Variants in ADAMTSL1 observed in about 807,000 individuals in gnomAD.
ADAMTSL1 encodes the protein ADAMTS-like protein 1.
ADAMTSL1 carries 126 observed loss-of-function variants against 201.8 expected under a neutral mutation model. The observed-to-expected ratio is 0.62, with a 90% CI of 0.54 to 0.72. ADAMTSL1 has a LOEUF of 0.72. ADAMTSL1 is among the 30% of genes least tolerant of loss of function. The pLI is 0.00. For synonymous variants in ADAMTSL1, 1,121 were observed against 903.4 expected, an observed-to-expected ratio of 1.24 and a Z score of -4.32; for missense variants, 2,679 against 2,277.8, an observed-to-expected ratio of 1.18 and a Z score of -3.59.
chr9:18,456,149 A>G (rs2131689788), intron 2 of ADAMTSL1, among the ~76,000 whole-genome samples: 1 of 152,266 alleles, frequency 6.6e-6, no homozygotes, highest in Middle Eastern at 3.4e-3. Flanking sequence ...AGACCCCATT[A>G]TTCAATTATT....
At chr9:18,433,963 G>T (rs1161650083) in intron 2 of ADAMTSL1, among the ~76,000 whole-genome samples, 3 of 152,170 alleles carry the variant, frequency 2.0e-5, no homozygotes, top group African/African-American at 7.2e-5. Flanking sequence ...AATCCAAAGA[G>T]CTGTTAGAAA....
intron 20 of ADAMTSL1, among the ~76,000 whole-genome samples, chr9:18,805,677 G>A (rs1389714528): frequency 6.6e-6 from 1 of 152,094 alleles, no homozygotes; most frequent in Non-Finnish European, 1.5e-5. Flanking sequence ...CCTTTCTCCT[G>A]CCCCTGCCCC....
chr9:18,381,429 A>G (rs963726042), intron 2 of ADAMTSL1, among the ~76,000 whole-genome samples: 2 of 152,196 alleles, frequency 1.3e-5, no homozygotes, highest in African/African-American at 4.8e-5. Flanking sequence ...TATTTTATAA[A>G]TGATAAAGCT....
intron 2 of ADAMTSL1, among the ~76,000 whole-genome samples, chr9:18,265,961 T>TCAACAGG (rs1587427609): frequency 6.6e-6 from 1 of 152,210 alleles, no homozygotes; most frequent in East Asian, 1.9e-4. Context: ...TACTATTTTT[T>TCAACAGG]GAGTGATATT....
intron 1 of ADAMTSL1, among the ~76,000 whole-genome samples, chr9:18,015,251 C>T (rs1427755206): frequency 6.6e-6 from 1 of 152,030 alleles, no homozygotes; most frequent in Non-Finnish European, 1.5e-5. Context: ...CTCTCTCAAT[C>T]TCTGTCTCTG....
intron 1 of ADAMTSL1, among the ~76,000 whole-genome samples, chr9:17,932,110 C>A (rs754888175): frequency 6.6e-6 from 1 of 152,252 alleles, no homozygotes; most frequent in East Asian, 1.9e-4. Context: ...GGTCTTCCCC[C>A]CAAGTAGAGG....
chr9:18,084,929 G>C (rs1009848736), intron 1 of ADAMTSL1, among the ~76,000 whole-genome samples: 3 of 152,184 alleles, frequency 2.0e-5, no homozygotes, highest in African/African-American at 7.2e-5. Flanking sequence ...AGGAAGAAAG[G>C]GAGAAGAGGC....
At chr9:17,964,382 A>G (rs938777613) in intron 1 of ADAMTSL1, among the ~76,000 whole-genome samples, 3 of 152,192 alleles carry the variant, frequency 2.0e-5, no homozygotes, top group Admixed American at 2.0e-4. Context: ...GATTCTATTT[A>G]TGTAACATTC....
intron 9 of ADAMTSL1, among the ~76,000 whole-genome samples, chr9:18,672,587 T>A (rs1587857340): frequency 6.6e-6 from 1 of 152,330 alleles, no homozygotes; most frequent in Admixed American, 6.5e-5. Context: ...TGCATAGATA[T>A]GTACACCATC....
intron 15 of ADAMTSL1, among the ~76,000 whole-genome samples, chr9:18,722,749 G>A (rs1833468716): frequency 6.6e-6 from 1 of 152,136 alleles, no homozygotes; most frequent in Non-Finnish European, 1.5e-5. Context: ...GAAGTTAAGA[G>A]GGCAACTCAT....
intron 2 of ADAMTSL1, among the ~76,000 whole-genome samples, chr9:18,513,438 A>G (rs1419888512): frequency 6.6e-6 from 1 of 152,200 alleles, no homozygotes; most frequent in Admixed American, 6.5e-5. Flanking sequence ...ACTCAGGATA[A>G]TGGCCTCAGA....
chr9:18,824,204 A>C (rs1383667188), intron 21 of ADAMTSL1, among the ~76,000 whole-genome samples: 1 of 151,950 alleles, frequency 6.6e-6, no homozygotes, highest in Non-Finnish European at 1.5e-5. Flanking sequence ...ATGGGAAAAA[A>C]ACTAAGCTCA....
At chr9:18,016,280 T>G (rs1820258456) in intron 1 of ADAMTSL1, among the ~76,000 whole-genome samples, 1 of 152,036 alleles carries the variant, frequency 6.6e-6, no homozygotes, top group Admixed American at 6.6e-5. Flanking sequence ...GTCCTTACAG[T>G]CTCTTAAGTG....
chr9:18,680,034 A>G (rs975814629), intron 10 of ADAMTSL1, among the ~76,000 whole-genome samples: 6 of 152,208 alleles, frequency 3.9e-5, no homozygotes, highest in African/African-American at 1.4e-4. Context: ...TCTTCTGAGT[A>G]GGTTACAGAC....
chr9:18,454,597 A>G (rs1203908221), intron 2 of ADAMTSL1, among the ~76,000 whole-genome samples: 1 of 152,156 alleles, frequency 6.6e-6, no homozygotes, highest in Non-Finnish European at 1.5e-5. Context: ...AGTTATTGTT[A>G]TGGCAATTCA....
chr9:18,645,842 T>C (rs1434113519), intron 7 of ADAMTSL1, among the ~76,000 whole-genome samples: 1 of 127,886 alleles, frequency 7.8e-6, no homozygotes, highest in African/African-American at 3.0e-5. Flanking sequence ...AGCTTTGTTC[T>C]TTTGGCTTAG....
intron 2 of ADAMTSL1, among the ~76,000 whole-genome samples, chr9:18,362,922 A>T (rs1836591655): frequency 6.6e-6 from 1 of 152,244 alleles, no homozygotes; most frequent in Non-Finnish European, 1.5e-5. Flanking sequence ...AAGTAGCCAA[A>T]GGAAAATAAC....
intron 13 of ADAMTSL1, among the ~76,000 whole-genome samples, chr9:18,697,581 C>A (rs1831634800): frequency 6.6e-6 from 1 of 152,112 alleles, no homozygotes; most frequent in South Asian, 2.1e-4. Flanking sequence ...ATGTAAAATG[C>A]ATAAAGCATG....
intron 23 of ADAMTSL1, among the ~76,000 whole-genome samples, chr9:18,861,234 C>T (rs1827196620): frequency 6.6e-6 from 1 of 152,210 alleles, no homozygotes; most frequent in Non-Finnish European, 1.5e-5. Flanking sequence ...CACCTTCATG[C>T]AATGTGAGTG....
Sources: allele counts gnomAD v4.1 joint callset (sites outside exome capture counted in the v4.1 genomes callset), GRCh38; gene constraint gnomAD v4.1.1; transcripts MANE v1.5; gene names NCBI Gene and HGNC (gene_info 2026-07-23, HGNC 2026-07-21).